Variants in PTPRG observed in about 807,000 individuals in gnomAD.
The protein encoded by PTPRG is receptor-type tyrosine-protein phosphatase gamma.
In PTPRG, 102 loss-of-function variants were observed where a neutral mutation model predicts 165.3. The observed-to-expected ratio is 0.62, with a 90% CI of 0.53 to 0.73. PTPRG has a LOEUF of 0.73. PTPRG is among the 30% of genes least tolerant of loss of function. The pLI, the probability that PTPRG is intolerant of heterozygous loss-of-function variation, is 0.00. For synonymous variants in PTPRG, 675 were observed against 669.5 expected (o/e 1.01, Z -0.13); for missense variants, 1,866 against 1,861.4 (o/e 1.00, Z -0.05).
intron 1 of PTPRG, among the ~76,000 whole-genome samples, chr3:61,601,109 A>G (rs113524391): frequency 6.6e-6 from 1 of 152,136 alleles, no homozygotes; most frequent in Non-Finnish European, 1.5e-5. Context: ...TAGAAAAATT[A>G]GCCAGACGTG....
At chr3:61,850,963 A>G (rs968522130) in intron 2 of PTPRG, among the ~76,000 whole-genome samples, 1 of 152,192 alleles carries the variant, frequency 6.6e-6, no homozygotes, top group Non-Finnish European at 1.5e-5. Flanking sequence ...TAGGTTTCTG[A>G]GAGGCTCCAG....
At chr3:61,576,410 G>T (rs77215400) in intron 1 of PTPRG, among the ~76,000 whole-genome samples, 11,806 of 152,250 alleles carry the variant, frequency 0.078, 638 homozygotes, top group South Asian at 0.19. Flanking sequence ...GGGACATTCA[G>T]TGAAAGTGAA....
intron 2 of PTPRG, among the ~76,000 whole-genome samples, chr3:61,903,329 C>G (rs1275812182): frequency 1.3e-5 from 2 of 152,172 alleles, no homozygotes; most frequent in African/African-American, 4.8e-5. Flanking sequence ...AGGGTACTCA[C>G]AGAATGCGAT....
intron 2 of PTPRG, among the ~76,000 whole-genome samples, chr3:61,794,824 G>T (rs2034996776): frequency 6.6e-6 from 1 of 152,138 alleles, no homozygotes; most frequent in African/African-American, 2.4e-5. Context: ...TCTCCCACCT[G>T]AGAATGAGAA....
At chr3:61,693,957 G>A (rs970458788) in intron 1 of PTPRG, among the ~76,000 whole-genome samples, 4 of 147,828 alleles carry the variant, frequency 2.7e-5, no homozygotes, top group Non-Finnish European at 4.4e-5. Flanking sequence ...ACAGTGAGCC[G>A]AGATCACGAT....
chr3:62,154,602 G>C (rs2106690583), intron 6 of PTPRG, among the ~76,000 whole-genome samples: 1 of 152,212 alleles, frequency 6.6e-6, no homozygotes, highest in Non-Finnish European at 1.5e-5. Flanking sequence ...TTTATCTTTT[G>C]ATGCTCTTTA....
At chr3:62,204,814 C>T (rs1700187230) in intron 12 of PTPRG, among the ~76,000 whole-genome samples, 1 of 152,132 alleles carries the variant, frequency 6.6e-6, no homozygotes, top group Admixed American at 6.5e-5. Context: ...CTCCTGGTGG[C>T]AATTTTGTTG....
chr3:61,841,319 G>A (rs545679826), intron 2 of PTPRG, among the ~76,000 whole-genome samples: 2 of 152,160 alleles, frequency 1.3e-5, no homozygotes, highest in Non-Finnish European at 2.9e-5. Context: ...CAGTTAAAGC[G>A]AGGCGGCCAG....
In PTPRG at chr3:62,214,058, A is replaced by G. The variant is rs1247172070; in HGVS notation, c.2156-4793A>G. ...CCAAAAAAAAGAGGGAAAAAGCAGT[A>G]TGATACAGTCTAGTCTCAGGGCAAA... On this transcript the variant is annotated intron_variant, in intron 12 of 29. Coordinates refer to ENST00000474889, the MANE Select transcript of PTPRG (RefSeq NM_002841.4). The surrounding 1 kb of genome is among the most constrained non-coding windows in gnomAD (Gnocchi z 5.2). Among the ~76,000 whole-genome samples the G allele has an allele frequency of 1.3e-5, 2 of 152,204 alleles. No homozygotes were observed. The highest frequency in any genetic ancestry group is 4.8e-5 in the African/African-American group (2 of 41,448).
At chr3:61,647,602 A>C (rs1185853372) in intron 1 of PTPRG, among the ~76,000 whole-genome samples, 1 of 152,058 alleles carries the variant, frequency 6.6e-6, no homozygotes, top group African/African-American at 2.4e-5. Context: ...CATCCTGGCT[A>C]ACACAGTGAA....
chr3:62,088,536 A>G (rs349165), intron 5 of PTPRG, among the ~76,000 whole-genome samples: 49,737 of 152,164 alleles, frequency 0.33, 10,231 homozygotes, highest in African/African-American at 0.59. Context: ...AATCTGCCCT[A>G]TTCCTACATA....
chr3:61,654,387 C>T (rs1031326709), intron 1 of PTPRG, among the ~76,000 whole-genome samples: 1 of 151,932 alleles, frequency 6.6e-6, no homozygotes. Flanking sequence ...ATTCTTTTTT[C>T]TTTCTTTCTT....
At chr3:61,964,151 T>A (rs2040216506) in intron 2 of PTPRG, among the ~76,000 whole-genome samples, 1 of 152,206 alleles carries the variant, frequency 6.6e-6, no homozygotes, top group Admixed American at 6.5e-5. Context: ...GCACAATGGT[T>A]AATGTGTTAT....
chr3:62,269,019 T>G lies in PTPRG; in HGVS notation c.2875-16T>G. The stretch of plus-strand genomic sequence containing the variant: ...ATAGATTGCAGTTATACTTTACAAC[T>G]TTTTTCTTTCTGCAGCGAAAATGTG... On this transcript the variant is annotated splice_polypyrimidine_tract_variant and intron_variant, in intron 19 of 29. Coordinates refer to ENST00000474889, the MANE Select transcript of PTPRG (RefSeq NM_002841.4). 6.5e-7 allele frequency: 1 copy of G among 1,537,342 alleles called. No individual in the cohort carries two copies. Among genetic ancestry groups the G allele is most frequent in the South Asian group, 1.3e-5 (1 of 78,556 alleles).
chr3:61,751,272 C>G (rs1160465359), intron 2 of PTPRG, among the ~76,000 whole-genome samples: 3 of 152,094 alleles, frequency 2.0e-5, no homozygotes, highest in African/African-American at 7.2e-5. Context: ...GTACATCAGA[C>G]CAGCACCTTA....
chr3:61,882,899 C>T (rs991666321), intron 2 of PTPRG, among the ~76,000 whole-genome samples: 12 of 152,154 alleles, frequency 7.9e-5, no homozygotes, highest in African/African-American at 2.7e-4. Flanking sequence ...TTTCCATTTC[C>T]TCTGCTGCCA....
intron 16 of PTPRG, among the ~76,000 whole-genome samples, chr3:62,259,541 G>C (rs1701631741): frequency 6.6e-6 from 1 of 152,178 alleles, no homozygotes; most frequent in African/African-American, 2.4e-5. Flanking sequence ...AGTTTCCTCA[G>C]CGTTTTTGAC....
intron 1 of PTPRG, among the ~76,000 whole-genome samples, chr3:61,715,457 T>G (rs2031762697): frequency 6.6e-6 from 1 of 152,098 alleles, no homozygotes; most frequent in African/African-American, 2.4e-5. Flanking sequence ...GGGCTCAAGA[T>G]GTCCACCTGC....
chr3:62,185,659 C>A (rs1000399035), intron 8 of PTPRG, among the ~76,000 whole-genome samples: 1 of 152,218 alleles, frequency 6.6e-6, no homozygotes, highest in African/African-American at 2.4e-5. Flanking sequence ...TAGCTCACCA[C>A]TGCCACGTGT....
Sources: gnomAD v4.1 joint callset for allele counts (sites outside exome capture counted in the v4.1 genomes callset) on GRCh38, gnomAD v4.1.1 for gene constraint, Gnocchi (gnomAD v3.1) non-coding constraint, MANE v1.5 for transcripts, NCBI Gene and HGNC (gene_info 2026-07-23, HGNC 2026-07-21) for gene names.